The following AMPD1 variants were observed in gnomAD, a reference collection of about 807,000 sequenced individuals.
The protein encoded by AMPD1 is AMP deaminase 1.
In AMPD1, 74 loss-of-function variants were observed where a neutral mutation model predicts 82.9. The ratio of observed to expected loss-of-function variants is 0.89; its 90% CI spans 0.74 to 1.08. The LOEUF is 1.08. Ranked by LOEUF, AMPD1 falls within the 50% of genes least tolerant of loss-of-function variation. The pLI is 0.00. For missense variants in AMPD1, 881 were observed against 924.5 expected (o/e 0.95, Z 0.61); for synonymous variants, 333 against 320.5 (o/e 1.04, Z -0.42).
chr1:114,678,913 A>C (rs955871838), intron 7 of AMPD1, among the ~76,000 whole-genome samples: 1 of 152,208 alleles, frequency 6.6e-6, no homozygotes, highest in Admixed American at 6.5e-5. Context: ...TGACACAGTG[A>C]TGGCTTTTAT....
rs1377356674 is a variant in AMPD1, at chr1:114,692,319, ATCAG to A, written c.34+1113_34+1116del. ...AAAGGAATTCAGAGGCAGACCTACT[ATCAG>A]TCAGCAAAAGGACAAGTCTAATTTG... On this transcript the variant is annotated intron_variant, in intron 2 of 15. Coordinates refer to ENST00000520113, the MANE Select transcript of AMPD1 (RefSeq NM_000036.3). Among the ~76,000 whole-genome samples the A allele has an allele frequency of 1.1e-4, 16 of 152,316 alleles. No homozygotes were observed. The East Asian group carries it at 2.7e-3, about 26-fold the overall frequency.
chr1:114,677,228 T>C, intron 10 of AMPD1, 123 bp downstream of exon 10: 1 of 1,343,174 alleles, frequency 7.4e-7, no homozygotes, highest in Non-Finnish European at 1.0e-6. Context: ...GACCCGATAG[T>C]GAATGCTGTT....
Position 114,679,702 on chromosome 1 carries a change from G to C in AMPD1, c.774C>G (p.Thr258=). The C allele has an allele frequency of 6.2e-7, 1 of 1,613,894 alleles. No homozygotes were observed. Among genetic ancestry groups the C allele is most frequent in the Non-Finnish European group, 8.5e-7 (1 of 1,179,946 alleles). The part of the protein sequence containing the change: ...LALIAQGPVK[T]YTHRRLKFLS... ...GGAACTTCAGGCGCCGGTGGGTATA[G>C]GTCTTACTGTGAAAAATAAAATCAC... is the stretch of plus-strand genomic sequence containing the variant. Residue 258 remains threonine, a synonymous_variant, in exon 7 of 16, where the codon ACC becomes ACG. Transcript: ENST00000520113.
chr1:114,674,712 A>G, intron 13 of AMPD1, 40 bp downstream of exon 13: 1 of 1,603,194 alleles, frequency 6.2e-7, no homozygotes, highest in Non-Finnish European at 8.5e-7. Context: ...AGATTCCTCT[A>G]GCTCCAATGT....
chr1:114,695,043 T>C (rs1012137926), intron 1 of AMPD1, among the ~76,000 whole-genome samples: 4 of 152,176 alleles, frequency 2.6e-5, no homozygotes, highest in Admixed American at 6.6e-5. Flanking sequence ...CAGAAAGCTA[T>C]TCTCGTGAAC....
chr1:114,677,920 G>A lies in AMPD1; in HGVS notation c.1214C>T (p.Thr405Ile), dbSNP rs769666778. 7 of 1,612,878 alleles carry A rather than the reference G, an allele frequency of 4.3e-6. No individual in the cohort carries two copies. Among genetic ancestry groups the A allele is most frequent in the African/African-American group, 1.3e-5 (1 of 74,554 alleles). Residue 405 changes from threonine to isoleucine, a missense_variant, in exon 9 of 16, where the codon ACT becomes ATT. Thr to Ile is a moderately conservative substitution (Grantham distance 89, BLOSUM62 -1). This residue lies in a region of AMPD1 where 783 missense variants were observed against 786.4 expected (regional missense o/e 1.00). Transcript: ENST00000520113. The stretch of plus-strand genomic sequence containing the variant: ...TTGGTTCCGCCTCACCTTGATGATA[G>A]TGGCAAAATATTCCCCATTAATGTA... ...DNYINGEYFA[T>I]IIKEVGADLV...
At chr1:114,684,125 G>A in intron 5 of AMPD1, 74 bp downstream of exon 5, 3 of 1,451,374 alleles carry the variant, frequency 2.1e-6, no homozygotes, top group Non-Finnish European at 2.8e-6. Context: ...TTATAATCTA[G>A]AGGCATATTT....
At chr1:114,684,463 T>TCGC in intron 4 of AMPD1, 99 bp from the exon 5 acceptor site, 1 of 1,280,722 alleles carries the variant, frequency 7.8e-7, no homozygotes, top group Non-Finnish European at 1.1e-6. Flanking sequence ...CTCCTGTGTA[T>TCGC]CGCAGCCCAT....
At chr1:114,692,697 A>G (rs1658548100) in intron 2 of AMPD1, among the ~76,000 whole-genome samples, 1 of 151,928 alleles carries the variant, frequency 6.6e-6, no homozygotes, top group Non-Finnish European at 1.5e-5. Context: ...AAATAAATAA[A>G]CAAACAAATA....
intron 8 of AMPD1, 43 bp downstream of exon 8, chr1:114,678,288 GGT>G: frequency 6.3e-7 from 1 of 1,595,862 alleles, no homozygotes; most frequent in Non-Finnish European, 8.6e-7. Flanking sequence ...AGACATGTGG[GGT>G]TCTGAGTATT....
chr1:114,685,908 G>A (rs1658304163), intron 4 of AMPD1, among the ~76,000 whole-genome samples: 2 of 152,184 alleles, frequency 1.3e-5, no homozygotes, highest in Non-Finnish European at 2.9e-5. Flanking sequence ...AAGTATCTTA[G>A]GACTGACCCT....
chr1:114,687,189 C>A (rs540655770), intron 3 of AMPD1, among the ~76,000 whole-genome samples: 1 of 152,202 alleles, frequency 6.6e-6, no homozygotes, highest in South Asian at 2.1e-4. Flanking sequence ...CCACTCCCAG[C>A]AGAATAGGCA....
chr1:114,673,683 C>A lies in AMPD1; in HGVS notation c.2041G>T (p.Glu681Ter). 1 of 1,614,106 alleles carries A rather than the reference C, an allele frequency of 6.2e-7. No individual in the cohort carries two copies. Among genetic ancestry groups the A allele is most frequent in the South Asian group, 1.1e-5 (1 of 91,088 alleles). Residue 681 changes from glutamate (E) to a stop codon, truncating the protein, a stop_gained, in exon 15 of 16, where the codon GAA becomes TAA. Coordinates refer to ENST00000520113, the MANE Select transcript of AMPD1 (RefSeq NM_000036.3). LOFTEE classifies it high-confidence loss of function. ...TGCAAGACACTGTTCCTTGCCACTT[C>A]GCACATATCACAGGTGCTCAGCTTG... ...VFKLSTCDMC[E>*]VARNSVLQCG... is the part of the protein sequence containing the mutation.
intron 5 of AMPD1, among the ~76,000 whole-genome samples, chr1:114,681,170 G>T (rs1157484658): frequency 6.6e-6 from 1 of 152,072 alleles, no homozygotes; most frequent in Non-Finnish European, 1.5e-5. Context: ...TCAAACTACA[G>T]TTAAAAAAAT....
chr1:114,685,406 A>G (rs1446533450), intron 4 of AMPD1, among the ~76,000 whole-genome samples: 3 of 152,212 alleles, frequency 2.0e-5, no homozygotes, highest in Non-Finnish European at 4.4e-5. Context: ...GGAATTAATA[A>G]TCTTGAGAAC....
At position 114,686,894 on chromosome 1, in the gene AMPD1, C is replaced by A. The variant is rs777844704; in HGVS notation, c.232G>T (p.Gly78Ter). The change falls in exon 4 of 16, where the codon GGA becomes TGA. Residue 78 changes from glycine (G) to a stop codon, truncating the protein, a stop_gained. Coordinates refer to ENST00000520113, the MANE Select transcript of AMPD1 (RefSeq NM_000036.3). LOFTEE classifies it high-confidence loss of function. ...TEARRKKRFQ[G>*]RKTVNLSIPL... ...ATGGACAAATTAACAGTCTTCCGTC[C>A]TTGGAAACGCTTTTTTCTGGGTTCG... The A allele has an allele frequency of 2.5e-6, 4 of 1,614,186 alleles. No individual in the cohort carries two copies. The South Asian group carries it at 3.3e-5, about 13-fold the overall frequency.
rs751665333 is a variant in AMPD1 at position 114,673,738 on chromosome 1, CA to C, written c.1985del (p.Met662ArgfsTer13). 5 of 1,613,348 alleles carry C rather than the reference CA, an allele frequency of 3.1e-6. No homozygotes were observed. In the South Asian group the frequency reaches 5.5e-5, roughly 18 times the overall value. The stretch of plus-strand genomic sequence containing the variant: ...CTTGTGCAGCAATAGCATATTCTTC[CA>C]TTAGGGGCTCCTGCAGTTATATTAA... ...MQFHFTKEPL[M>X]EEYAIAAQVF... On this transcript the variant is annotated frameshift_variant, in exon 15 of 16. Coordinates refer to ENST00000520113, the MANE Select transcript of AMPD1 (RefSeq NM_000036.3). LOFTEE classifies it high-confidence loss of function.
intron 10 of AMPD1, 55 bp downstream of exon 10, chr1:114,677,296 T>G: frequency 6.2e-7 from 1 of 1,604,274 alleles, no homozygotes; most frequent in Non-Finnish European, 8.5e-7. Flanking sequence ...TACAGGGGAC[T>G]TGAAGCAGAT....
chr1:114,693,260 T>C (rs1355235167), intron 2 of AMPD1, among the ~76,000 whole-genome samples, 176 bp downstream of exon 2: 2 of 151,206 alleles, frequency 1.3e-5, no homozygotes, highest in Non-Finnish European at 1.5e-5. Context: ...AGAAAAGCCA[T>C]GAGCTTATTT....
Sources: allele counts gnomAD v4.1 joint callset (sites outside exome capture counted in the v4.1 genomes callset), GRCh38; gene constraint gnomAD v4.1.1; regional missense constraint gnomAD v4.1.1; transcripts MANE v1.5; gene names NCBI Gene and HGNC (gene_info 2026-07-23, HGNC 2026-07-21).